KIAA1328: variants seen among roughly 807,000 people sequenced by gnomAD.
KIAA1328 encodes the protein KIAA1328.
Under a neutral mutation model 68.1 loss-of-function variants are expected in KIAA1328, and 52 were observed. The observed-to-expected ratio is 0.76, with a 90% confidence interval of 0.61 to 0.96. KIAA1328 has a LOEUF of 0.96. KIAA1328 is among the 40% of genes least tolerant of loss of function. KIAA1328 has a pLI of 0.00. For missense variants in KIAA1328, 641 were observed against 677.6 expected, an observed-to-expected ratio of 0.95 and a Z score of 0.60; for synonymous variants, 232 against 239.4, an observed-to-expected ratio of 0.97 and a Z score of 0.28.
At chr18:37,215,365 T>C (rs1003940186) in intron 9 of KIAA1328, among the ~76,000 whole-genome samples, 14 of 152,076 alleles carry the variant, frequency 9.2e-5, no homozygotes, top group Non-Finnish European at 1.9e-4. Flanking sequence ...ATGAAGGCTG[T>C]TGAATTTTGT....
At chr18:36,883,893 C>G (rs1184006577) in intron 4 of KIAA1328, among the ~76,000 whole-genome samples, 1 of 147,176 alleles carries the variant, frequency 6.8e-6, no homozygotes, top group African/African-American at 2.5e-5. Flanking sequence ...ATGTCTTGTT[C>G]CGTGACCAAA....
chr18:37,069,505 G>A (rs1183099005), intron 7 of KIAA1328, among the ~76,000 whole-genome samples: 1 of 152,024 alleles, frequency 6.6e-6, no homozygotes, highest in Non-Finnish European at 1.5e-5. Flanking sequence ...TCTTGTTTCG[G>A]TATCAAGGTA....
chr18:37,089,467 C>T (rs780944955), intron 7 of KIAA1328, among the ~76,000 whole-genome samples: 5 of 149,670 alleles, frequency 3.3e-5, no homozygotes, highest in African/African-American at 7.5e-5. Flanking sequence ...CTCCACCTTC[C>T]GGGTTCAAGC....
intron 6 of KIAA1328, among the ~76,000 whole-genome samples, chr18:36,982,441 C>T (rs1190165542): frequency 6.6e-6 from 1 of 151,328 alleles, no homozygotes; most frequent in Admixed American, 6.6e-5. Context: ...ATAAATATGA[C>T]AGCAGGTTCT....
At chr18:37,046,155 GT>G (rs1257203687) in intron 6 of KIAA1328, among the ~76,000 whole-genome samples, 5 of 152,044 alleles carry the variant, frequency 3.3e-5, no homozygotes, top group Non-Finnish European at 5.9e-5. Context: ...CTATGTTTGG[GT>G]TTTTTGTTTG....
intron 6 of KIAA1328, among the ~76,000 whole-genome samples, chr18:37,027,208 G>C (rs1003999564): frequency 1.3e-5 from 2 of 152,144 alleles, no homozygotes; most frequent in African/African-American, 4.8e-5. Context: ...ACTGGTCAAC[G>C]AAATAAAAGA....
intron 7 of KIAA1328, among the ~76,000 whole-genome samples, chr18:37,116,774 C>G (rs1391312639): frequency 2.6e-5 from 4 of 151,974 alleles, no homozygotes; most frequent in African/African-American, 4.8e-5. Context: ...TGACAAAGGC[C>G]TAATATCTAG....
At chr18:36,924,009 A>G (rs940326479) in intron 5 of KIAA1328, 3 of 152,052 alleles carry the variant, frequency 2.0e-5, no homozygotes, top group Admixed American at 1.3e-4. Context: ...CAAACCATTG[A>G]GTGTCTTCAG....
intron 4 of KIAA1328, among the ~76,000 whole-genome samples, chr18:36,873,659 G>A (rs938263598): frequency 1.3e-5 from 2 of 152,032 alleles, no homozygotes; most frequent in African/African-American, 4.8e-5. Context: ...TATATTTTCT[G>A]TAGATTCCCC....
chr18:36,860,938 C>T (rs899654136), intron 4 of KIAA1328, among the ~76,000 whole-genome samples: 2 of 152,032 alleles, frequency 1.3e-5, no homozygotes, highest in South Asian at 4.1e-4. Context: ...ACAGAGGGTT[C>T]TCTTCCCTTC....
At position 36,984,259 on chromosome 18, in the gene KIAA1328, T is replaced by C. The variant is rs956531209; in HGVS notation, c.576+24824T>C. On this transcript the variant is annotated intron_variant, in intron 6 of 9. Coordinates refer to ENST00000280020, the MANE Select transcript of KIAA1328 (RefSeq NM_020776.3). ...ATTGTACTGAAAGTTTCAGACCATG[T>C]AATAAATCAAGAAAAAATTAATAAA... Among the ~76,000 whole-genome samples, 5 of 152,306 alleles carry C rather than the reference T, an allele frequency of 3.3e-5. No individual in the cohort carries two copies. In the East Asian group the frequency reaches 9.6e-4, roughly 29 times the overall value.
intron 5 of KIAA1328, among the ~76,000 whole-genome samples, chr18:36,886,622 T>A (rs917166170): frequency 6.6e-6 from 1 of 152,132 alleles, no homozygotes; most frequent in Non-Finnish European, 1.5e-5. Context: ...TTTGAATAGG[T>A]AGAATTACTT....
intron 5 of KIAA1328, among the ~76,000 whole-genome samples, chr18:36,919,939 C>A (rs933249046): frequency 6.6e-6 from 1 of 152,042 alleles, no homozygotes; most frequent in Non-Finnish European, 1.5e-5. Flanking sequence ...GCTTGTTTAA[C>A]TTCTTAAGTT....
intron 6 of KIAA1328, among the ~76,000 whole-genome samples, chr18:37,002,054 G>A (rs919374679): frequency 6.6e-6 from 1 of 151,978 alleles, no homozygotes; most frequent in African/African-American, 2.4e-5. Flanking sequence ...TGGAAAAGAG[G>A]AAATCAAATT....
intron 4 of KIAA1328, among the ~76,000 whole-genome samples, chr18:36,877,369 A>C (rs1178891387): frequency 6.6e-6 from 1 of 152,150 alleles, no homozygotes; most frequent in Non-Finnish European, 1.5e-5. Flanking sequence ...TATTGGGTGC[A>C]TATATATTTA....
chr18:37,089,447 T>A (rs922005751), intron 7 of KIAA1328, among the ~76,000 whole-genome samples: 3 of 145,540 alleles, frequency 2.1e-5, no homozygotes, highest in Non-Finnish European at 4.5e-5. Flanking sequence ...CAATCTCGGC[T>A]CATTGCAACC....
intron 4 of KIAA1328, among the ~76,000 whole-genome samples, chr18:36,870,352 A>T (rs1254818588): frequency 6.6e-6 from 1 of 152,140 alleles, no homozygotes; most frequent in Non-Finnish European, 1.5e-5. Context: ...CCCTTGAGTG[A>T]TATTTTACGT....
intron 5 of KIAA1328, among the ~76,000 whole-genome samples, chr18:36,950,518 T>C (rs1425908563): frequency 1.3e-5 from 2 of 152,198 alleles, no homozygotes; most frequent in Admixed American, 6.5e-5. Context: ...TCAAATAATT[T>C]TAACTTTATG....
At chr18:37,177,693 G>A (rs892053542) in intron 9 of KIAA1328, among the ~76,000 whole-genome samples, 1 of 151,668 alleles carries the variant, frequency 6.6e-6, no homozygotes, top group South Asian at 2.1e-4. Flanking sequence ...ATTTTGTTTT[G>A]TTTCTTTTTG....
Sources: gnomAD v4.1 joint callset for allele counts (sites outside exome capture counted in the v4.1 genomes callset) on GRCh38, gnomAD v4.1.1 for gene constraint, MANE v1.5 for transcripts, NCBI Gene and HGNC (gene_info 2026-07-23, HGNC 2026-07-21) for gene names.